Variants in TMPRSS2 observed in about 807,000 individuals in gnomAD.
The protein encoded by TMPRSS2 is transmembrane serine protease 2.
A neutral mutation model predicts 67.4 loss-of-function variants in TMPRSS2; 59 were observed. The observed-to-expected ratio is 0.88, with a 90% CI of 0.71 to 1.09. The LOEUF (loss-of-function observed/expected upper bound fraction) is 1.09. Ranked by LOEUF, TMPRSS2 falls within the 50% of genes least tolerant of loss-of-function variation. The probability of loss-of-function intolerance (pLI) is 0.00; values close to 1 mark genes in which losing one functional copy is unlikely to be tolerated. For synonymous variants in TMPRSS2, 257 were observed against 257.0 expected (o/e 1.00, Z 0.00); for missense variants, 668 against 642.7 (o/e 1.04, Z -0.43).
At position 41,501,435 on chromosome 21, in the gene TMPRSS2, C is replaced by G. The variant is rs552447029; in HGVS notation, c.-56-3246G>C. On this transcript the variant is annotated intron_variant, in intron 1 of 13. Transcript: ENST00000332149. Reference sequence around the variant, plus strand: ...ACCAGCCTGGCCAACATAGTGAAACCCCATCTCTACTAAAAATACAAAAAT... The same window carrying G: ...ACCAGCCTGGCCAACATAGTGAAACGCCATCTCTACTAAAAATACAAAAAT... Among the ~76,000 whole-genome samples, 306 of 152,044 alleles carry G rather than the reference C, an allele frequency of 2.0e-3. 1 individual carries two copies. The highest frequency in any genetic ancestry group is 7.1e-3 in the African/African-American group (294 of 41,462).
intron 9 of TMPRSS2, among the ~76,000 whole-genome samples, chr21:41,472,395 C>G (rs958325060): frequency 2.0e-5 from 3 of 152,210 alleles, no homozygotes; most frequent in Non-Finnish European, 4.4e-5. Flanking sequence ...AAACCATTTC[C>G]TTTATCCAAG....
chr21:41,502,458 G>A (rs975119476), intron 1 of TMPRSS2: 1 of 985,244 alleles, frequency 1.0e-6, no homozygotes, highest in Non-Finnish European at 1.2e-6. Context: ...GGAGGTGTGA[G>A]AGGGAACAGA....
chr21:41,498,478 T>C (rs1312122089), intron 1 of TMPRSS2, among the ~76,000 whole-genome samples: 4 of 152,152 alleles, frequency 2.6e-5, no homozygotes, highest in African/African-American at 9.7e-5. Flanking sequence ...CAGGACAGCC[T>C]GACCAGAAAG....
intron 1 of TMPRSS2, chr21:41,506,593 C>T (rs2091459695): frequency 6.6e-6 from 1 of 152,312 alleles, no homozygotes; most frequent in South Asian, 2.1e-4. Flanking sequence ...ACAGCAGCAG[C>T]TCAGGAGCCA....
chr21:41,492,698 A>T (rs2091347092), intron 3 of TMPRSS2, among the ~76,000 whole-genome samples: 1 of 152,222 alleles, frequency 6.6e-6, no homozygotes, highest in East Asian at 1.9e-4. Context: ...TATAAAAGCA[A>T]CTGATAAGGG....
intron 7 of TMPRSS2, among the ~76,000 whole-genome samples, chr21:41,476,982 A>T (rs1027347030): frequency 2.6e-5 from 4 of 152,216 alleles, no homozygotes; most frequent in Non-Finnish European, 5.9e-5. Context: ...AGCCATTTGG[A>T]AACCTCTGGG....
intron 13 of TMPRSS2, among the ~76,000 whole-genome samples, chr21:41,466,870 C>T (rs2091089071): frequency 6.6e-6 from 1 of 152,200 alleles, no homozygotes; most frequent in African/African-American, 2.4e-5. Context: ...ATCTGGTTCT[C>T]ACCCCCTATC....
At chr21:41,480,839 T>C (rs1246272662) in intron 5 of TMPRSS2, among the ~76,000 whole-genome samples, 1 of 152,152 alleles carries the variant, frequency 6.6e-6, no homozygotes, top group Non-Finnish European at 1.5e-5. Context: ...GGTTTCACCA[T>C]GTTGGCCAGG....
At position 41,494,408 on chromosome 21, in the gene TMPRSS2, G is replaced by A. The variant is rs1246135466; in HGVS notation, c.186C>T (p.Asn62=). 1 of 1,611,488 alleles carries A rather than the reference G, an allele frequency of 6.2e-7. No homozygotes were observed. Among genetic ancestry groups the A allele is most frequent in the Non-Finnish European group, 8.5e-7 (1 of 1,179,312 alleles). ...YAPRVLTQAS[N]PVVCTQPKSP... ...ATTTGGGCTGCGTGCAGACGACGGGGTTGGAAGCCTGCGTCAGGACCCTCG... is the reference window on the plus strand; with the variant it reads ...ATTTGGGCTGCGTGCAGACGACGGGATTGGAAGCCTGCGTCAGGACCCTCG... The change falls in exon 3 of 14, where the codon AAC becomes AAT. Residue 62 remains asparagine, a synonymous_variant. Coordinates refer to ENST00000332149, the MANE Select transcript of TMPRSS2 (RefSeq NM_005656.4).
At chr21:41,476,126 T>G (rs1398874939) in intron 8 of TMPRSS2, among the ~76,000 whole-genome samples, 1 of 152,162 alleles carries the variant, frequency 6.6e-6, no homozygotes, top group Non-Finnish European at 1.5e-5. Context: ...AGAGCACTGT[T>G]GTTCTCTGGT....
At chr21:41,504,156 A>T (rs1450028375) in intron 1 of TMPRSS2, among the ~76,000 whole-genome samples, 1 of 152,250 alleles carries the variant, frequency 6.6e-6, no homozygotes, top group Non-Finnish European at 1.5e-5. Context: ...CCCACTTGAC[A>T]GCCCCGATTT....
chr21:41,476,355 T>A (rs982199239), intron 8 of TMPRSS2, among the ~76,000 whole-genome samples: 1 of 152,200 alleles, frequency 6.6e-6, no homozygotes, highest in South Asian at 2.1e-4. Flanking sequence ...GCGTGCCTGA[T>A]CTCAGGGGGT....
intron 1 of TMPRSS2, among the ~76,000 whole-genome samples, chr21:41,504,631 C>T (rs1403572675): frequency 6.6e-6 from 1 of 152,190 alleles, no homozygotes; most frequent in Non-Finnish European, 1.5e-5. Context: ...AACCAAGCTG[C>T]TACCCTGTCA....
intron 2 of TMPRSS2, among the ~76,000 whole-genome samples, chr21:41,497,780 C>T (rs2091394763): frequency 6.6e-6 from 1 of 152,206 alleles, no homozygotes; most frequent in Non-Finnish European, 1.5e-5. Flanking sequence ...CCACGTGGGT[C>T]TCTTCCCTGG....
chr21:41,482,567 A>G (rs908473410), intron 5 of TMPRSS2, among the ~76,000 whole-genome samples: 5 of 152,198 alleles, frequency 3.3e-5, no homozygotes, highest in Non-Finnish European at 7.3e-5. Context: ...CTTACTTCCT[A>G]CGAGTGGCCC....
intron 1 of TMPRSS2, among the ~76,000 whole-genome samples, chr21:41,504,216 C>A (rs1049917488): frequency 6.6e-6 from 1 of 152,196 alleles, no homozygotes. Context: ...GCTGCCACAA[C>A]CACAAGCCAA....
chr21:41,473,240 G>A, intron 9 of TMPRSS2, 85 bp downstream of exon 9: 2 of 1,415,706 alleles, frequency 1.4e-6, no homozygotes, highest in Non-Finnish European at 1.9e-6. Context: ...TGCCGGGGCT[G>A]CAAGGGTTGA....
At chr21:41,494,316 C>A in intron 3 of TMPRSS2, 40 bp downstream of exon 3, 1 of 1,606,588 alleles carries the variant, frequency 6.2e-7, no homozygotes, top group Non-Finnish European at 8.5e-7. Flanking sequence ...ACCCGGGACC[C>A]CGGGTTTATT....
intron 1 of TMPRSS2, among the ~76,000 whole-genome samples, chr21:41,507,400 T>A (rs950777989): frequency 2.6e-5 from 4 of 152,084 alleles, no homozygotes; most frequent in Non-Finnish European, 4.4e-5. Flanking sequence ...GCCCCGGCCC[T>A]GATCGCCGCC....
Sources: gnomAD v4.1 joint callset for allele counts (sites outside exome capture counted in the v4.1 genomes callset) on GRCh38, gnomAD v4.1.1 for gene constraint, MANE v1.5 for transcripts, NCBI Gene and HGNC (gene_info 2026-07-23, HGNC 2026-07-21) for gene names.